FAXC: variants seen among roughly 807,000 people sequenced by gnomAD.
FAXC encodes the protein failed axon connections homolog.
FAXC carries 10 observed loss-of-function variants against 41.9 expected under a neutral mutation model. The observed-to-expected ratio is 0.24, with a 90% CI of 0.15 to 0.41. The LOEUF is 0.41. Among genes scored for constraint, FAXC ranks in the 10% least tolerant of loss-of-function variants. FAXC has a pLI of 1.00. For missense variants in FAXC, 399 were observed against 510.9 expected (o/e 0.78, Z 2.11); for synonymous variants, 183 against 183.8 (o/e 1.00, Z 0.03).
In FAXC at chr6:99,291,782, G is replaced by C; in HGVS notation, c.862C>G (p.Leu288Val). ...KYIMGPKLSTLDATVFGHLAQ... is the reference protein window; with the variant it reads ...KYIMGPKLSTVDATVFGHLAQ... The stretch of plus-strand genomic sequence containing the variant: ...AAGTGTCCAAAGACAGTGGCGTCAA[G>C]AGTGGAAAGCTTGGGCCCCATGATG... The change falls in exon 5 of 6, where the codon CTT becomes GTT. Residue 288 changes from leucine to valine, a missense_variant. Physicochemically the swap from Leu to Val is conservative, Grantham distance 32. Around this residue, in one of 3 missense-constraint regions of FAXC, gnomAD observed 239 missense variants for 352.7 expected, o/e 0.68. Transcript: ENST00000389677. 2 of 1,614,134 alleles carry C rather than the reference G, an allele frequency of 1.2e-6. No individual in the cohort carries two copies. The highest frequency in any genetic ancestry group is 1.7e-6 in the Non-Finnish European group (2 of 1,180,010).
At position 99,281,428 on chromosome 6, in the gene FAXC, G is replaced by A. The variant is rs376086054; in HGVS notation, c.966C>T (p.Tyr322=). ...AAAATTTCCTCCTTATCCTCTCACAGTACATGGCAAGGTTGATCAGCTCAC... is the reference window on the plus strand; with the variant it reads ...AAAATTTCCTCCTTATCCTCTCACAATACATGGCAAGGTTGATCAGCTCAC... The part of the protein sequence containing the change: ...IKGELINLAM[Y]CERIRRKFWP... Residue 322 remains tyrosine (Y), a synonymous_variant, in exon 6 of 6, where the codon TAC becomes TAT. Coordinates refer to ENST00000389677, the MANE Select transcript of FAXC (RefSeq NM_032511.4). 6.2e-7 allele frequency: 1 copy of A among 1,613,904 alleles called. No individual in the cohort carries two copies. Among genetic ancestry groups the A allele is most frequent in the Non-Finnish European group, 8.5e-7 (1 of 1,179,804 alleles).
intron 5 of FAXC, 138 bp from the exon 6 acceptor site, chr6:99,281,591 A>G: frequency 1.5e-6 from 1 of 683,526 alleles, no homozygotes. Context: ...GGCCTTTAAG[A>G]GGTGGTTCGT....
intron 4 of FAXC, among the ~76,000 whole-genome samples, chr6:99,321,540 C>T (rs902422465): frequency 3.3e-5 from 5 of 152,230 alleles, no homozygotes; most frequent in African/African-American, 9.6e-5. Flanking sequence ...TTCACAACTA[C>T]ACTGCTCCCT....
intron 3 of FAXC, among the ~76,000 whole-genome samples, chr6:99,325,774 T>A (rs1442030664): frequency 1.3e-5 from 2 of 152,162 alleles, no homozygotes; most frequent in Non-Finnish European, 2.9e-5. Context: ...AATTCAATGG[T>A]TTTAGGATAA....
chr6:99,297,717 GTCTACT>G (rs923580209), intron 4 of FAXC, among the ~76,000 whole-genome samples: 1 of 152,130 alleles, frequency 6.6e-6, no homozygotes, highest in African/African-American at 2.4e-5. Context: ...CCTATGAATG[GTCTACT>G]TCAGTCAAAC....
At chr6:99,305,694 T>C (rs1771891193) in intron 4 of FAXC, among the ~76,000 whole-genome samples, 2 of 131,834 alleles carry the variant, frequency 1.5e-5, no homozygotes, top group East Asian at 2.3e-4. Context: ...ATTATACATA[T>C]ATGCATAATA....
intron 3 of FAXC, among the ~76,000 whole-genome samples, chr6:99,324,977 T>C (rs1182106072): frequency 6.6e-6 from 1 of 151,870 alleles, no homozygotes; most frequent in Non-Finnish European, 1.5e-5. Context: ...GGCCCAAGAG[T>C]TTGAGGCCAA....
chr6:99,306,666 A>G lies in FAXC; in HGVS notation c.824-14846T>C, dbSNP rs993089404. ...GAAGGATCAGAGAAATCCAATATGT[A>G]AGATAAAGGCTAAAAAGTGTTCAGC... On this transcript the variant is annotated intron_variant, in intron 4 of 5. Transcript: ENST00000389677. Among the ~76,000 whole-genome samples, 7 of 152,308 alleles carry G rather than the reference A, an allele frequency of 4.6e-5. No homozygotes were observed. In the East Asian group the frequency reaches 1.3e-3, roughly 29 times the overall value.
In FAXC at chr6:99,281,162, C is replaced by T. The variant is rs141285360; in HGVS notation, c.*2G>A. ...AAGGAAGAGGGTCAGTGAGGCTGGA[C>T]GTCACTTGCACTGTTCGTGGTCTGT... On this transcript the variant is annotated 3_prime_UTR_variant, in exon 6 of 6. Transcript: ENST00000389677. 416 of 1,310,030 alleles carry T rather than the reference C, an allele frequency of 3.2e-4. 1 individual carries two copies. The highest frequency in any genetic ancestry group is 4.3e-4 in the Non-Finnish European group (392 of 902,928). 81.2% of individuals were successfully genotyped at this position (1,310,030 alleles called of 1,614,324 possible).
rs1194521916 is a variant in FAXC, at chr6:99,342,908, A to G, written c.392T>C (p.Leu131Ser). The G allele has an allele frequency of 1.9e-6, 3 of 1,605,716 alleles. No homozygotes were observed. The highest frequency in any genetic ancestry group is 1.7e-6 in the Non-Finnish European group (2 of 1,177,654). Residue 131 changes from leucine (L) to serine (S), a missense_variant, in exon 2 of 6, where the codon TTA becomes TCA. This residue lies in a region of FAXC where 239 missense variants were observed against 352.7 expected (regional missense o/e 0.68). Transcript: ENST00000389677. ...KMETYLRMADLPYQNYFGGKL... is the reference protein window; with the variant it reads ...KMETYLRMADSPYQNYFGGKL... ...TTTGCACACAAGTACCTGATACGGT[A>G]AGTCAGCCATCCTTAAATAAGTTTC...
chr6:99,290,347 G>A (rs2128449346), intron 5 of FAXC, among the ~76,000 whole-genome samples: 1 of 151,982 alleles, frequency 6.6e-6, no homozygotes, highest in South Asian at 2.1e-4. Context: ...TCACATCCAA[G>A]GTACACATTA....
At chr6:99,293,100 C>A (rs1771308137) in intron 4 of FAXC, among the ~76,000 whole-genome samples, 1 of 152,228 alleles carries the variant, frequency 6.6e-6, no homozygotes, top group South Asian at 2.1e-4. Context: ...AGCCACTGCG[C>A]CCGGCCCTAA....
chr6:99,317,940 C>A (rs1411932682), intron 4 of FAXC, among the ~76,000 whole-genome samples: 1 of 151,864 alleles, frequency 6.6e-6, no homozygotes, highest in African/African-American at 2.4e-5. Context: ...TGATACACAG[C>A]ACACAGAATC....
At chr6:99,291,246 C>G (rs1405708727) in intron 5 of FAXC, among the ~76,000 whole-genome samples, 4 of 152,202 alleles carry the variant, frequency 2.6e-5, no homozygotes, top group Non-Finnish European at 5.9e-5. Context: ...AGACTCAGAG[C>G]ATCTGAAACA....
At chr6:99,348,683 T>C (rs559529808) in intron 1 of FAXC, among the ~76,000 whole-genome samples, 4 of 152,340 alleles carry the variant, frequency 2.6e-5, no homozygotes, top group Non-Finnish European at 5.9e-5. Context: ...GATGTTGACA[T>C]TTAGGGAAGA....
intron 5 of FAXC, among the ~76,000 whole-genome samples, chr6:99,285,817 C>T (rs961646343): frequency 3.9e-5 from 6 of 152,084 alleles, no homozygotes; most frequent in Non-Finnish European, 7.4e-5. Context: ...ATGGAAATGC[C>T]CTCCCTGCTC....
intron 2 of FAXC, among the ~76,000 whole-genome samples, chr6:99,338,495 C>A (rs1024209371): frequency 6.6e-6 from 1 of 152,338 alleles, no homozygotes; most frequent in East Asian, 1.9e-4. Context: ...GCAGCCACCA[C>A]AAACGACAGG....
At chr6:99,306,058 G>C (rs1329498352) in intron 4 of FAXC, among the ~76,000 whole-genome samples, 1 of 152,052 alleles carries the variant, frequency 6.6e-6, no homozygotes, top group Non-Finnish European at 1.5e-5. Context: ...AGCTACATTA[G>C]AGTGGGTGGT....
At chr6:99,282,926 T>C (rs1364496321) in intron 5 of FAXC, among the ~76,000 whole-genome samples, 1 of 152,238 alleles carries the variant, frequency 6.6e-6, no homozygotes, top group Admixed American at 6.5e-5. Flanking sequence ...ATGTGCTATA[T>C]AGGATTTACT....
Sources: gnomAD v4.1 joint callset for allele counts (sites outside exome capture counted in the v4.1 genomes callset) on GRCh38, gnomAD v4.1.1 for gene constraint, gnomAD v4.1.1 regional missense constraint, MANE v1.5 for transcripts, NCBI Gene and HGNC (gene_info 2026-07-23, HGNC 2026-07-21) for gene names.